Variants in SLA observed in about 807,000 individuals in gnomAD.
SLA encodes the protein Src like adaptor.
SLA carries 16 observed loss-of-function variants against 30.3 expected under a neutral mutation model. The ratio of observed to expected loss-of-function variants is 0.53; its 90% confidence interval spans 0.36 to 0.80. The LOEUF (loss-of-function observed/expected upper bound fraction) is 0.80. SLA is among the 30% of genes least tolerant of loss of function. The probability of loss-of-function intolerance (pLI) is 0.01; values close to 1 mark genes in which losing one functional copy is unlikely to be tolerated. For synonymous variants in SLA, 143 were observed against 137.8 expected, an observed-to-expected ratio of 1.04 and a Z score of -0.26; for missense variants, 310 against 345.2, an observed-to-expected ratio of 0.90 and a Z score of 0.81.
chr8:133,078,510 T>C (rs1188287751), intron 1 of SLA, among the ~76,000 whole-genome samples: 2 of 152,214 alleles, frequency 1.3e-5, no homozygotes, highest in African/African-American at 4.8e-5. Flanking sequence ...TTCTAATCCA[T>C]CAAGAAGTCT....
intron 1 of SLA, among the ~76,000 whole-genome samples, chr8:133,097,609 C>T (rs561422746): frequency 1.3e-5 from 2 of 152,090 alleles, no homozygotes; most frequent in Non-Finnish European, 2.9e-5. Context: ...AAAAACCAAC[C>T]TGTATATATC....
At chr8:133,055,257 G>C (rs1326986839) in intron 3 of SLA, among the ~76,000 whole-genome samples, 1 of 152,052 alleles carries the variant, frequency 6.6e-6, no homozygotes, top group African/African-American at 2.4e-5. Flanking sequence ...AGGGATTGCA[G>C]CCTCTTGTTT....
intron 1 of SLA, among the ~76,000 whole-genome samples, chr8:133,093,752 G>A (rs773029235): frequency 2.8e-4 from 42 of 152,126 alleles, no homozygotes; most frequent in African/African-American, 4.8e-4. Flanking sequence ...CTTTCATCAG[G>A]AACCTACCAG....
intron 3 of SLA, among the ~76,000 whole-genome samples, chr8:133,052,036 C>T (rs751077096): frequency 6.6e-6 from 1 of 152,112 alleles, no homozygotes; most frequent in Non-Finnish European, 1.5e-5. Flanking sequence ...TTCCCTGGTT[C>T]GCTCACCCCA....
intron 8 of SLA, 41 bp downstream of exon 8, chr8:133,039,953 GCACA>G (rs3835182): frequency 3.5e-4 from 497 of 1,429,864 alleles, no homozygotes; most frequent in African/African-American, 4.7e-4. Flanking sequence ...GCACTTGCAT[GCACA>G]CACACACACA....
chr8:133,085,055 A>G (rs1846311816), intron 1 of SLA, among the ~76,000 whole-genome samples: 2 of 152,234 alleles, frequency 1.3e-5, no homozygotes, highest in African/African-American at 4.8e-5. Flanking sequence ...TGAGAACAGC[A>G]TGTAAAGTGC....
chr8:133,094,456 G>A (rs533481632), intron 1 of SLA, among the ~76,000 whole-genome samples: 3 of 152,040 alleles, frequency 2.0e-5, no homozygotes, highest in Non-Finnish European at 4.4e-5. Flanking sequence ...TAGCCAGGAT[G>A]GTCTCGATCT....
In SLA at chr8:133,039,953, G is replaced by GCACACACACA. The variant is rs3835182; in HGVS notation, c.617+35_617+44dup. ...TCACATGTTCACAGAGCACTTGCAT[G>GCACACACACA]CACACACACACACACACACACACAC... On this transcript the variant is annotated intron_variant, in intron 8 of 8. Coordinates refer to ENST00000338087, the MANE Select transcript of SLA (RefSeq NM_001045556.3). 247 of 1,434,352 alleles carry GCACACACACA rather than the reference G, an allele frequency of 1.7e-4. No homozygotes were observed. The African/African-American group carries it at 2.7e-3, about 16-fold the overall frequency. 88.9% of individuals were successfully genotyped at this position (1,434,352 alleles called of 1,614,324 possible).
chr8:133,062,163 C>A (rs1414017209), intron 2 of SLA, among the ~76,000 whole-genome samples: 1 of 152,154 alleles, frequency 6.6e-6, no homozygotes, highest in East Asian at 1.9e-4. Context: ...AAGAGGATGC[C>A]CTTGCAAATT....
intron 8 of SLA, among the ~76,000 whole-genome samples, 172 bp from the exon 9 acceptor site, chr8:133,038,909 G>A (rs892699055): frequency 3.9e-5 from 6 of 152,056 alleles, no homozygotes; most frequent in African/African-American, 7.2e-5. Context: ...ATGGAGTCTC[G>A]CTCTGTTGCC....
chr8:133,056,912 C>T (rs376726895), intron 3 of SLA, among the ~76,000 whole-genome samples: 8 of 152,224 alleles, frequency 5.3e-5, no homozygotes, highest in Non-Finnish European at 2.9e-5. Flanking sequence ...ATTCAGCTGG[C>T]GGCTACCTTC....
At chr8:133,099,338 C>T (rs1297752518) in intron 1 of SLA, among the ~76,000 whole-genome samples, 1 of 152,222 alleles carries the variant, frequency 6.6e-6, no homozygotes, top group Non-Finnish European at 1.5e-5. Context: ...CACTGAGCAG[C>T]TTTTGTGAGC....
intron 2 of SLA, among the ~76,000 whole-genome samples, chr8:133,063,263 C>A (rs1440874352): frequency 2.0e-5 from 3 of 148,660 alleles, no homozygotes; most frequent in African/African-American, 7.5e-5. Context: ...TGCCAGGGTG[C>A]CCCCAGCCCT....
At chr8:133,069,033 G>A (rs535434058) in intron 2 of SLA, among the ~76,000 whole-genome samples, 33 of 152,224 alleles carry the variant, frequency 2.2e-4, no homozygotes, top group Admixed American at 7.9e-4. Flanking sequence ...TTTAATCCTA[G>A]CCATTACATA....
At chr8:133,051,996 A>G (rs1335938850) in intron 3 of SLA, among the ~76,000 whole-genome samples, 3 of 152,194 alleles carry the variant, frequency 2.0e-5, no homozygotes, top group Non-Finnish European at 2.9e-5. Flanking sequence ...CATGTTCTAC[A>G]GGATACATAA....
At chr8:133,091,467 G>T (rs1031818835) in intron 1 of SLA, among the ~76,000 whole-genome samples, 18 of 152,242 alleles carry the variant, frequency 1.2e-4, no homozygotes, top group African/African-American at 4.3e-4. Flanking sequence ...TGCCCACCCC[G>T]CTTCTTGTTG....
rs145135247 is a variant in SLA, at chr8:133,087,992, G to A, written c.-318-12862C>T. On this transcript the variant is annotated intron_variant, in intron 1 of 8. Coordinates refer to ENST00000338087, the MANE Select transcript of SLA (RefSeq NM_001045556.3). ...AATTCTTCTTGGAATGAAGTGGGCC[G>A]TACACAGAAGAATGATTAAGAAAGT... 3.0e-4 allele frequency among the ~76,000 whole-genome samples: 45 copies of A among 152,310 alleles called. No homozygotes were observed. The East Asian group carries it at 6.2e-3, about 21-fold the overall frequency.
chr8:133,065,701 G>A (rs1842938143), intron 2 of SLA, among the ~76,000 whole-genome samples: 1 of 152,084 alleles, frequency 6.6e-6, no homozygotes, highest in Non-Finnish European at 1.5e-5. Flanking sequence ...GGCGGAGGTG[G>A]CAGTGAGTTG....
intron 2 of SLA, among the ~76,000 whole-genome samples, chr8:133,067,797 AAAGAAAGAAAGAAAGG>A (rs1443858468): frequency 2.0e-5 from 3 of 147,418 alleles, no homozygotes; most frequent in Admixed American, 1.4e-4. Context: ...AAAGAAAAAG[AAAGAAAGAAAGAAAGG>A]AAGGAAGGAA....
Sources: allele counts gnomAD v4.1 joint callset (sites outside exome capture counted in the v4.1 genomes callset), GRCh38; gene constraint gnomAD v4.1.1; transcripts MANE v1.5; gene names NCBI Gene and HGNC (gene_info 2026-07-23, HGNC 2026-07-21).